Variants in MAOB observed in about 807,000 individuals in gnomAD.
MAOB encodes the protein monoamine oxidase B.
MAOB carries 15 observed loss-of-function variants against 41.9 expected under a neutral mutation model. The observed-to-expected ratio is 0.36, with a 90% CI of 0.24 to 0.55. MAOB has a LOEUF of 0.55. Ranked by LOEUF, MAOB falls within the 20% of genes least tolerant of loss-of-function variation. The pLI, the probability that MAOB is intolerant of heterozygous loss-of-function variation, is 0.86. For missense variants in MAOB, 345 were observed against 398.7 expected (o/e 0.87, Z 1.15); for synonymous variants, 167 against 144.2 (o/e 1.16, Z -1.13).
intron 11 of MAOB, among the ~76,000 whole-genome samples, chrX:43,776,565 A>T (rs2034259033): frequency 9.1e-6 from 1 of 110,188 alleles, no homozygotes; most frequent in African/African-American, 3.3e-5. Flanking sequence ...TTTTTTTTTT[A>T]AATCAACTCC....
chrX:43,787,503 A>G (rs1380449691), intron 8 of MAOB, among the ~76,000 whole-genome samples: 1 of 112,452 alleles, frequency 8.9e-6, no homozygotes, highest in Non-Finnish European at 1.9e-5. Context: ...GTGTACACCT[A>G]GATTGCACAT....
At chrX:43,783,188 G>A (rs190870192) in intron 8 of MAOB, among the ~76,000 whole-genome samples, 2 of 112,310 alleles carry the variant, frequency 1.8e-5, no homozygotes, top group East Asian at 5.6e-4. Flanking sequence ...AATAGGAAGA[G>A]AGGAAGTCAA....
At chrX:43,860,087 C>T in intron 1 of MAOB, among the ~76,000 whole-genome samples, 1 of 111,880 alleles carries the variant, frequency 8.9e-6, no homozygotes, top group Non-Finnish European at 1.9e-5. Flanking sequence ...GTTTCTGAAC[C>T]ACAGGCTTTC....
At chrX:43,846,204 C>A (rs142263147) in intron 1 of MAOB, among the ~76,000 whole-genome samples, 1,308 of 112,257 alleles carry the variant, frequency 0.012, 10 homozygotes, top group Middle Eastern at 0.028. Context: ...TTAGATAAAC[C>A]GCTTGAGCAT....
intron 3 of MAOB, among the ~76,000 whole-genome samples, chrX:43,814,671 A>G (rs1000781922): frequency 1.0e-3 from 114 of 112,017 alleles, no homozygotes; most frequent in Non-Finnish European, 2.1e-4. Context: ...AATGTTATAT[A>G]TTCAATTGGT....
chrX:43,863,922 T>G (rs1390699363), intron 1 of MAOB, among the ~76,000 whole-genome samples: 1 of 111,989 alleles, frequency 8.9e-6, no homozygotes, highest in Non-Finnish European at 1.9e-5. Context: ...AGATGCATAT[T>G]ATTTTTTCAA....
intron 3 of MAOB, among the ~76,000 whole-genome samples, chrX:43,820,055 C>A (rs1212821178): frequency 8.9e-6 from 1 of 112,514 alleles, no homozygotes; most frequent in African/African-American, 3.2e-5. Flanking sequence ...TCCTATTATA[C>A]ATTTTGAGTT....
intron 3 of MAOB, among the ~76,000 whole-genome samples, chrX:43,807,157 CT>C (rs2034674820): frequency 8.9e-6 from 1 of 112,063 alleles, no homozygotes; most frequent in African/African-American, 3.2e-5. Flanking sequence ...AAAACCTCCA[CT>C]TATCCCTCCT....
chrX:43,862,670 T>C (rs992371042), intron 1 of MAOB, among the ~76,000 whole-genome samples: 20 of 112,003 alleles, frequency 1.8e-4, no homozygotes, highest in African/African-American at 6.2e-4. Context: ...ACACTGGAAG[T>C]AGTTGGGACA....
At chrX:43,786,076 G>A (rs2034394826) in intron 8 of MAOB, among the ~76,000 whole-genome samples, 1 of 111,966 alleles carries the variant, frequency 8.9e-6, no homozygotes, top group Admixed American at 9.5e-5. Context: ...GCAATTATCT[G>A]TAAAGTGCAA....
chrX:43,826,763 C>T (rs1257180402), intron 3 of MAOB, among the ~76,000 whole-genome samples: 3 of 110,812 alleles, frequency 2.7e-5, no homozygotes, highest in East Asian at 2.9e-4. Context: ...ATGACAGACC[C>T]ACTCCCACAA....
At chrX:43,791,652 G>A (rs1195825690) in intron 8 of MAOB, among the ~76,000 whole-genome samples, 2 of 110,704 alleles carry the variant, frequency 1.8e-5, no homozygotes, top group Non-Finnish European at 3.8e-5. Flanking sequence ...AGCTACTTGG[G>A]AGACTGAGGC....
At chrX:43,833,990 C>A (rs995579002) in intron 3 of MAOB, among the ~76,000 whole-genome samples, 4 of 112,252 alleles carry the variant, frequency 3.6e-5, no homozygotes, top group Non-Finnish European at 3.8e-5. Flanking sequence ...GATCACTAGA[C>A]AAATGTGTTT....
At chrX:43,791,158 T>C (rs1428798592) in intron 8 of MAOB, among the ~76,000 whole-genome samples, 1 of 111,690 alleles carries the variant, frequency 9.0e-6, no homozygotes, top group Non-Finnish European at 1.9e-5. Flanking sequence ...GATGCACCAA[T>C]CCAATAGCAG....
At chrX:43,831,027 GTGTGTA>G (rs1315446532) in intron 3 of MAOB, among the ~76,000 whole-genome samples, 1 of 108,745 alleles carries the variant, frequency 9.2e-6, no homozygotes, top group African/African-American at 3.4e-5. Flanking sequence ...GTGTGTGTGT[GTGTGTA>G]TGTGTCAGAC....
At chrX:43,866,920 TTAGC>T (rs1285140063) in intron 1 of MAOB, among the ~76,000 whole-genome samples, 2 of 111,849 alleles carry the variant, frequency 1.8e-5, no homozygotes, top group Non-Finnish European at 3.8e-5. Context: ...GGAACACACT[TTAGC>T]TATCCTAAGA....
chrX:43,880,108 A>G (rs771255879), intron 1 of MAOB, among the ~76,000 whole-genome samples: 71 of 112,229 alleles, frequency 6.3e-4, no homozygotes, highest in African/African-American at 2.3e-3. Flanking sequence ...ATTATTCTTG[A>G]CTGTCTTCCA....
chrX:43,804,824 T>TAG (rs2034641755), intron 3 of MAOB, among the ~76,000 whole-genome samples: 1 of 111,938 alleles, frequency 8.9e-6, no homozygotes, highest in Non-Finnish European at 1.9e-5. Flanking sequence ...GCTCAAAGTC[T>TAG]ACTGATTTAA....
chrX:43,825,919 G>T (rs1464228703), intron 3 of MAOB, among the ~76,000 whole-genome samples: 1 of 111,748 alleles, frequency 8.9e-6, no homozygotes, highest in Non-Finnish European at 1.9e-5. Flanking sequence ...CATTTAAGAA[G>T]GTCCATGTTT....
Sources: allele counts gnomAD v4.1 joint callset (sites outside exome capture counted in the v4.1 genomes callset), GRCh38; gene constraint gnomAD v4.1.1; transcripts MANE v1.5; gene names NCBI Gene and HGNC (gene_info 2026-07-23, HGNC 2026-07-21).